CCNB1: variants seen among roughly 807,000 people sequenced by gnomAD.
CCNB1 encodes cyclin B1, also known as G2/mitotic-specific cyclin-B1.
CCNB1 carries 26 observed loss-of-function variants against 44.4 expected under a neutral mutation model. That is an observed-to-expected ratio of 0.59 (90% CI 0.43 to 0.81). The LOEUF (loss-of-function observed/expected upper bound fraction) is 0.81, where lower values mean the gene tolerates loss of function less well. CCNB1 is among the 40% of genes least tolerant of loss of function. CCNB1 has a pLI of 0.00. For synonymous variants in CCNB1, 195 were observed against 181.4 expected, an observed-to-expected ratio of 1.08 and a Z score of -0.60; for missense variants, 477 against 520.9, an observed-to-expected ratio of 0.92 and a Z score of 0.82.
At position 69,171,361 on chromosome 5, in the gene CCNB1, C is replaced by A. The variant is rs781237721; in HGVS notation, c.455C>A (p.Ala152Glu). Residue 152 changes from alanine (A) to glutamate (E), a missense_variant, in exon 4 of 9, where the codon GCA becomes GAA. Coordinates refer to ENST00000256442, the MANE Select transcript of CCNB1 (RefSeq NM_031966.4). ...LCQAFSDVIL[A>E]VNDVDAEDGA... is the part of the protein sequence containing the mutation. ...CAGGCTTTCTCTGATGTAATTCTTG[C>A]AGTAAATGATGTGGATGCAGAAGAT... is the stretch of plus-strand genomic sequence containing the variant. 7 of 1,613,782 alleles carry A rather than the reference C, an allele frequency of 4.3e-6. No homozygotes were observed. The highest frequency in any genetic ancestry group is 2.2e-5 in the East Asian group (1 of 44,870).
chr5:69,175,912 T>G (rs183597379), intron 7 of CCNB1, among the ~76,000 whole-genome samples: 24 of 150,348 alleles, frequency 1.6e-4, no homozygotes, highest in African/African-American at 5.4e-4. Context: ...ATCACACTTA[T>G]GAACTACAAA....
chr5:69,172,135 T>C (rs1237399126), intron 4 of CCNB1, among the ~76,000 whole-genome samples: 1 of 152,204 alleles, frequency 6.6e-6, no homozygotes, highest in Non-Finnish European at 1.5e-5. Context: ...TAGAGGGCAG[T>C]GGTGCGGTCT....
At chr5:69,176,383 G>A (rs1180341274) in intron 7 of CCNB1, among the ~76,000 whole-genome samples, 1 of 151,766 alleles carries the variant, frequency 6.6e-6, no homozygotes, top group Admixed American at 6.6e-5. Flanking sequence ...TCGAGACGGA[G>A]TCTCTCTCTG....
At chr5:69,168,451 G>A in intron 3 of CCNB1, 108 bp downstream of exon 3, 7 of 1,332,688 alleles carry the variant, frequency 5.3e-6, no homozygotes, top group African/African-American at 1.5e-5. Context: ...ACCATTTATT[G>A]AGTGCTTAGC....
intron 7 of CCNB1, among the ~76,000 whole-genome samples, chr5:69,176,542 A>ATTTTT (rs1297947852): frequency 3.4e-5 from 5 of 146,142 alleles, no homozygotes; most frequent in African/African-American, 5.0e-5. Flanking sequence ...ATATATATAT[A>ATTTTT]TTTTTTTTTA....
At position 69,168,173 on chromosome 5, in the gene CCNB1, G is replaced by A; in HGVS notation, c.193G>A (p.Glu65Lys). 6.2e-7 allele frequency: 1 copy of A among 1,613,868 alleles called. No homozygotes were observed. Among genetic ancestry groups the A allele is most frequent in the Non-Finnish European group, 8.5e-7 (1 of 1,179,922 alleles). The change falls in exon 3 of 9, where the codon GAA becomes AAA. Residue 65 changes from glutamate (E) to lysine (K), a missense_variant and splice_region_variant. Physicochemically the swap from Glu to Lys is moderately conservative, Grantham distance 56 (BLOSUM62 1). Transcript: ENST00000256442. ...QLQAKMPMKK[E>K]AKPSATGKVI... Reference sequence around the variant, plus strand: ...TTCATTCTCTCTGTTTCATCTACAGGAAGCAAAACCTTCAGCTACTGGAAA... The same window carrying A: ...TTCATTCTCTCTGTTTCATCTACAGAAAGCAAAACCTTCAGCTACTGGAAA...
chr5:69,177,458 C>T (rs1747621250), intron 8 of CCNB1, 66 bp from the exon 9 acceptor site: 31 of 1,234,034 alleles, frequency 2.5e-5, no homozygotes, highest in Admixed American at 7.0e-5. Flanking sequence ...AAATGAATAC[C>T]TGTATCATTG....
intron 5 of CCNB1, 124 bp downstream of exon 5, chr5:69,174,533 A>AG: frequency 1.1e-6 from 1 of 880,008 alleles, no homozygotes; most frequent in Non-Finnish European, 1.8e-6. Flanking sequence ...GTGGATCACA[A>AG]GGTTAGGAGA....
chr5:69,177,372 T>C, intron 8 of CCNB1, 23 bp downstream of exon 8: 1 of 1,474,270 alleles, frequency 6.8e-7, no homozygotes, highest in Non-Finnish European at 9.5e-7. Flanking sequence ...AGTGGCATTG[T>C]AAGATGCTGA....
At position 69,174,242 on chromosome 5, in the gene CCNB1, C is replaced by T; in HGVS notation, c.547-9C>T. 3 of 1,612,718 alleles carry T rather than the reference C, an allele frequency of 1.9e-6. No individual in the cohort carries two copies. The highest frequency in any genetic ancestry group is 2.5e-6 in the Non-Finnish European group (3 of 1,179,498). ...TGTTTCTAAGAATAATCAGCATTTT[C>T]TTTTGCAGGAAGAGCAAGCAGTCAG... On this transcript the variant is annotated splice_polypyrimidine_tract_variant and intron_variant, in intron 4 of 8. Coordinates refer to ENST00000256442, the MANE Select transcript of CCNB1 (RefSeq NM_031966.4).
intron 1 of CCNB1, 106 bp downstream of exon 1, chr5:69,167,389 T>G: frequency 7.5e-7 from 1 of 1,337,166 alleles, no homozygotes; most frequent in Non-Finnish European, 1.1e-6. Context: ...GCAGGAGCGA[T>G]TTGGGGAGGA....
At chr5:69,176,010 T>TATAC (rs1747580997) in intron 7 of CCNB1, among the ~76,000 whole-genome samples, 1 of 133,086 alleles carries the variant, frequency 7.5e-6, no homozygotes, top group Non-Finnish European at 1.6e-5. Flanking sequence ...TATATATATA[T>TATAC]ATATACAGGC....
At chr5:69,176,591 T>C (rs112130991) in intron 7 of CCNB1, among the ~76,000 whole-genome samples, 1,523 of 150,660 alleles carry the variant, frequency 0.01, 12 homozygotes, top group Middle Eastern at 0.018. Context: ...AGGATGGTCT[T>C]GATCTCCTGA....
intron 2 of CCNB1, 47 bp from the exon 3 acceptor site, chr5:69,168,126 G>T: frequency 6.2e-7 from 1 of 1,611,072 alleles, no homozygotes; most frequent in Non-Finnish European, 8.5e-7. Flanking sequence ...CCTTCCAACT[G>T]TGGCCTTTGA....
rs766129644 is a variant in CCNB1, at chr5:69,177,539, T to C, written c.1210T>C (p.Tyr404His). Residue 404 changes from tyrosine (Y) to histidine (H), a missense_variant, in exon 9 of 9, where the codon TAT becomes CAT. Coordinates refer to ENST00000256442, the MANE Select transcript of CCNB1 (RefSeq NM_031966.4). The stretch of plus-strand genomic sequence containing the variant: ...TGTCTTCCAGACTGTCAAGAACAAG[T>C]ATGCCACATCGAAGCATGCTAAGAT... ...LTKHMTVKNK[Y>H]ATSKHAKIST... The C allele has an allele frequency of 5.0e-6, 8 of 1,611,410 alleles. No individual in the cohort carries two copies. The highest frequency in any genetic ancestry group is 5.9e-6 in the Non-Finnish European group (7 of 1,177,872).
At chr5:69,172,022 C>T (rs561545655) in intron 4 of CCNB1, among the ~76,000 whole-genome samples, 44 of 152,322 alleles carry the variant, frequency 2.9e-4, no homozygotes, top group Middle Eastern at 3.4e-3. Flanking sequence ...TTTATGGCAG[C>T]ATAAACATAG....
Position 69,174,888 on chromosome 5 carries a change from G to T in CCNB1, c.717G>T (p.Val239=). The change falls in exon 6 of 9, where the codon GTG becomes GTT. Residue 239 remains valine, a synonymous_variant. Transcript: ENST00000256442. ...AATTCCCATTGCAGAATAATTGTGT[G>T]CCCAAGAAGATGCTGCAGCTGGTTG... is the stretch of plus-strand genomic sequence containing the variant. ...IIDRFMQNNC[V]PKKMLQLVGV... is the part of the protein sequence containing the mutation. 1 of 1,613,624 alleles carries T rather than the reference G, an allele frequency of 6.2e-7. No individual in the cohort carries two copies. Among genetic ancestry groups the T allele is most frequent in the African/African-American group, 1.3e-5 (1 of 74,996 alleles).
At chr5:69,172,350 C>T (rs185365160) in intron 4 of CCNB1, among the ~76,000 whole-genome samples, 5 of 152,174 alleles carry the variant, frequency 3.3e-5, no homozygotes, top group Admixed American at 3.3e-4. Flanking sequence ...GCCTCCGCCT[C>T]GGGTCAAGTG....
chr5:69,167,459 T>C, intron 1 of CCNB1, 176 bp downstream of exon 1: 1 of 612,262 alleles, frequency 1.6e-6, no homozygotes. Context: ...TGAGAGAGTG[T>C]GGGGGACGAT....
Sources: gnomAD v4.1 joint callset for allele counts (sites outside exome capture counted in the v4.1 genomes callset) on GRCh38, gnomAD v4.1.1 for gene constraint, MANE v1.5 for transcripts, NCBI Gene and HGNC (gene_info 2026-07-23, HGNC 2026-07-21) for gene names.